Variants in WWC2 observed in about 807,000 individuals in gnomAD.
WWC2 encodes protein WWC2.
A neutral mutation model predicts 138.5 loss-of-function variants in WWC2; 101 were observed. The ratio of observed to expected loss-of-function variants is 0.73; its 90% CI spans 0.62 to 0.86. The LOEUF is 0.86. Ranked by LOEUF, WWC2 falls within the 40% of genes least tolerant of loss-of-function variation. The probability of loss-of-function intolerance (pLI) is 0.00; values close to 1 mark genes in which losing one functional copy is unlikely to be tolerated. For synonymous variants in WWC2, 558 were observed against 538.4 expected (o/e 1.04, Z -0.50); for missense variants, 1,420 against 1,419.4 (o/e 1.00, Z -0.01).
intron 1 of WWC2, among the ~76,000 whole-genome samples, chr4:183,110,161 G>T (rs1023089702): frequency 6.6e-6 from 1 of 152,156 alleles, no homozygotes; most frequent in Admixed American, 6.6e-5. Context: ...GATACCAGGC[G>T]CTGCTATATA....
intron 1 of WWC2, among the ~76,000 whole-genome samples, chr4:183,101,121 T>A (rs1426309107): frequency 6.6e-6 from 1 of 152,278 alleles, no homozygotes; most frequent in Non-Finnish European, 1.5e-5. Context: ...TAATTCTTTC[T>A]GCTTTCTGAT....
At chr4:183,271,985 G>A (rs1016009199) in intron 16 of WWC2, among the ~76,000 whole-genome samples, 1 of 152,106 alleles carries the variant, frequency 6.6e-6, no homozygotes. Context: ...CAGCCTGGAT[G>A]ACAGAAAGAG....
chr4:183,235,416 A>G (rs1394787656), intron 4 of WWC2, among the ~76,000 whole-genome samples: 2 of 152,202 alleles, frequency 1.3e-5, no homozygotes, highest in Admixed American at 6.5e-5. Flanking sequence ...AATATATTCA[A>G]CTATAAAAAC....
chr4:183,319,843 A>T lies in WWC2; in HGVS notation c.*4114A>T. The T allele has an allele frequency of 6.2e-7, 1 of 1,613,960 alleles. No homozygotes were observed. Among genetic ancestry groups the T allele is most frequent in the Non-Finnish European group, 8.5e-7 (1 of 1,179,870 alleles). ...AGGGCTGTGACTCCCGAGGCCCAGG[A>T]CAGAATTCCTCCCAGGATCAGCAGT... On this transcript the variant is annotated 3_prime_UTR_variant, in exon 23 of 23. Coordinates refer to ENST00000403733, the MANE Select transcript of WWC2 (RefSeq NM_024949.6).
Position 183,214,210 on chromosome 4 carries a change from G to A in WWC2, c.522+5185G>A, listed in dbSNP as rs544505818. ...GCATTCCAAACACATAGCTGGCTAGGGGGCACTGTTATTAATAACAGTATA... is the reference window on the plus strand; with the variant it reads ...GCATTCCAAACACATAGCTGGCTAGAGGGCACTGTTATTAATAACAGTATA... On this transcript the variant is annotated intron_variant, in intron 4 of 22. Transcript: ENST00000403733. 2.6e-5 allele frequency among the ~76,000 whole-genome samples: 4 copies of A among 152,254 alleles called. 1 individual carries two copies. In the South Asian group the frequency reaches 6.2e-4, roughly 24 times the overall value.
chr4:183,275,952 T>C (rs1384658938), intron 16 of WWC2, among the ~76,000 whole-genome samples: 2 of 152,204 alleles, frequency 1.3e-5, no homozygotes, highest in Non-Finnish European at 2.9e-5. Context: ...TCAGTCTATT[T>C]AGACTTAGAA....
intron 6 of WWC2, among the ~76,000 whole-genome samples, chr4:183,246,558 TTG>T (rs1490826943): frequency 6.6e-6 from 1 of 152,178 alleles, no homozygotes; most frequent in Non-Finnish European, 1.5e-5. Flanking sequence ...AATACTGACT[TTG>T]TGCCAGACAT....
At chr4:183,247,361 C>A (rs1736810034) in intron 6 of WWC2, among the ~76,000 whole-genome samples, 1 of 151,562 alleles carries the variant, frequency 6.6e-6, no homozygotes, top group South Asian at 2.1e-4. Context: ...TTGAAGAACA[C>A]TGACTTTTTT....
chr4:183,254,925 T>G (rs186887462), intron 9 of WWC2, among the ~76,000 whole-genome samples: 3 of 152,262 alleles, frequency 2.0e-5, no homozygotes, highest in Non-Finnish European at 4.4e-5. Flanking sequence ...CAATAAATGT[T>G]AGGGTTGCAT....
Position 183,269,110 on chromosome 4 carries a change from A to G in WWC2, c.2347A>G (p.Thr783Ala). Residue 783 changes from threonine to alanine, a missense_variant, in exon 15 of 23, where the codon ACA (threonine) becomes GCA (alanine). Coordinates refer to ENST00000403733, the MANE Select transcript of WWC2 (RefSeq NM_024949.6). ...AISQTALQQK[T>A]LRVDLCSVSK... ...TTCCCAAACAGCCTTACAACAGAAG[A>G]CACTGAGGGTAGACCTTTGCTCTGT... The G allele has an allele frequency of 6.2e-7, 1 of 1,613,940 alleles. No homozygotes were observed. The highest frequency in any genetic ancestry group is 8.5e-7 in the Non-Finnish European group (1 of 1,179,874).
chr4:183,306,573 ATT>A (rs879541491), intron 21 of WWC2, among the ~76,000 whole-genome samples: 2 of 147,646 alleles, frequency 1.4e-5, no homozygotes, highest in Non-Finnish European at 1.5e-5. Flanking sequence ...AGGGGTAACA[ATT>A]TTTTTTTTTT....
At chr4:183,281,329 C>G (rs565689731) in intron 17 of WWC2, 1 of 178,640 alleles carries the variant, frequency 5.6e-6, no homozygotes, top group Admixed American at 6.0e-5. Flanking sequence ...TTCTCTGTTA[C>G]CACTCTTACC....
At chr4:183,183,836 G>A (rs1435559690) in intron 1 of WWC2, among the ~76,000 whole-genome samples, 1 of 151,762 alleles carries the variant, frequency 6.6e-6, no homozygotes, top group African/African-American at 2.4e-5. Context: ...TTAAATTTTA[G>A]CCTCATTATT....
chr4:183,178,263 C>T (rs958376634), intron 1 of WWC2, among the ~76,000 whole-genome samples: 1 of 151,868 alleles, frequency 6.6e-6, no homozygotes, highest in Non-Finnish European at 1.5e-5. Flanking sequence ...AAAATCAGGG[C>T]CAGAGAGTGG....
chr4:183,209,383 A>G (rs1388107210), intron 4 of WWC2, among the ~76,000 whole-genome samples: 2 of 152,250 alleles, frequency 1.3e-5, no homozygotes, highest in Middle Eastern at 3.4e-3. Context: ...GCGTGCCACT[A>G]TGCACAACTA....
intron 2 of WWC2, among the ~76,000 whole-genome samples, chr4:183,200,412 T>A (rs185231405): frequency 6.6e-6 from 1 of 152,338 alleles, no homozygotes; most frequent in Non-Finnish European, 1.5e-5. Flanking sequence ...ACATTTTTAA[T>A]TTTTATTATC....
intron 6 of WWC2, among the ~76,000 whole-genome samples, chr4:183,247,300 A>G (rs1204751735): frequency 6.6e-6 from 1 of 151,960 alleles, no homozygotes; most frequent in Non-Finnish European, 1.5e-5. Context: ...TTAAAAAAAT[A>G]CTAGTAACAA....
intron 21 of WWC2, among the ~76,000 whole-genome samples, chr4:183,307,510 C>G (rs534250847): frequency 2.0e-5 from 3 of 152,262 alleles, no homozygotes; most frequent in South Asian, 2.1e-4. Flanking sequence ...AGCCCTATAT[C>G]TCTTGTGAAC....
In WWC2 at chr4:183,263,746, G is replaced by A. The variant is rs563922672; in HGVS notation, c.1910-1232G>A. ...CTGCACTCCAGCCTAGGTGACAGGAGTGAGACCTTGTCTCAAAAAAAGGAA... is the reference window on the plus strand; with the variant it reads ...CTGCACTCCAGCCTAGGTGACAGGAATGAGACCTTGTCTCAAAAAAAGGAA... On this transcript the variant is annotated intron_variant, in intron 11 of 22. Coordinates refer to ENST00000403733, the MANE Select transcript of WWC2 (RefSeq NM_024949.6). Among the ~76,000 whole-genome samples the A allele has an allele frequency of 2.6e-4, 40 of 152,290 alleles. No individual in the cohort carries two copies. The East Asian group carries it at 5.6e-3, about 21-fold the overall frequency.
Sources: gnomAD v4.1 joint callset for allele counts (sites outside exome capture counted in the v4.1 genomes callset) on GRCh38, gnomAD v4.1.1 for gene constraint, MANE v1.5 for transcripts, NCBI Gene and HGNC (gene_info 2026-07-23, HGNC 2026-07-21) for gene names.